DHX35: variants seen among roughly 807,000 people sequenced by gnomAD.
DHX35 encodes the protein probable ATP-dependent RNA helicase DHX35.
DHX35 carries 84 observed loss-of-function variants against 99.6 expected under a neutral mutation model. The ratio of observed to expected loss-of-function variants is 0.84; its 90% CI spans 0.71 to 1.01. The LOEUF is 1.01. DHX35 is among the 50% of genes least tolerant of loss of function. The pLI is 0.00. For missense variants in DHX35, 852 were observed against 888.5 expected (o/e 0.96, Z 0.52); for synonymous variants, 331 against 316.2 (o/e 1.05, Z -0.50).
intron 11 of DHX35, 142 bp downstream of exon 11, chr20:39,004,049 A>C (rs1158406065): frequency 1.0e-6 from 1 of 961,094 alleles, no homozygotes; most frequent in African/African-American, 1.6e-5. Context: ...GCACACAATA[A>C]ATAATACATT....
At chr20:39,026,393 G>C (rs769778074) in intron 18 of DHX35, among the ~76,000 whole-genome samples, 5 of 152,198 alleles carry the variant, frequency 3.3e-5, no homozygotes, top group Non-Finnish European at 5.9e-5. Flanking sequence ...AAGAGCAAGT[G>C]ATTAAACAAT....
chr20:39,025,404 T>C, intron 18 of DHX35, 45 bp downstream of exon 18: 1 of 1,599,336 alleles, frequency 6.3e-7, no homozygotes, highest in East Asian at 2.2e-5. Context: ...TGCTTCATTC[T>C]GTTGAGTTGT....
At chr20:38,984,149 A>T (rs1038883430) in intron 4 of DHX35, among the ~76,000 whole-genome samples, 2 of 152,090 alleles carry the variant, frequency 1.3e-5, no homozygotes, top group African/African-American at 4.8e-5. Context: ...TGATCTTGTG[A>T]TCTGCCTGCC....
At chr20:38,995,815 C>T (rs1270742205) in intron 8 of DHX35, among the ~76,000 whole-genome samples, 1 of 152,128 alleles carries the variant, frequency 6.6e-6, no homozygotes, top group Non-Finnish European at 1.5e-5. Context: ...GAAAGATGGA[C>T]AGCCGTTTTC....
intron 3 of DHX35, 24 bp from the exon 4 acceptor site, chr20:38,983,675 A>G (rs369530821): frequency 1.2e-6 from 2 of 1,610,098 alleles, no homozygotes; most frequent in African/African-American, 1.3e-5. Flanking sequence ...TCATATGTAT[A>G]CTTAGATGTG....
At chr20:38,970,073 ATCTGTCTG>A (rs370046590) in intron 2 of DHX35, among the ~76,000 whole-genome samples, 13 of 152,002 alleles carry the variant, frequency 8.6e-5, no homozygotes, top group South Asian at 8.3e-4. Context: ...TGTTCTATCT[ATCTGTCTG>A]TCTGTCTGTC....
chr20:39,019,697 AT>A (rs1048710921), intron 15 of DHX35, among the ~76,000 whole-genome samples: 4 of 151,962 alleles, frequency 2.6e-5, no homozygotes, highest in Non-Finnish European at 4.4e-5. Context: ...CCAACTTATC[AT>A]TTTTTTTGTG....
chr20:38,998,942 G>A (rs912301812), intron 8 of DHX35, among the ~76,000 whole-genome samples: 2 of 151,986 alleles, frequency 1.3e-5, no homozygotes, highest in Admixed American at 6.6e-5. Flanking sequence ...GATTACAGGC[G>A]CCTGCCACCA....
chr20:38,990,282 A>G (rs1293689050), intron 5 of DHX35, among the ~76,000 whole-genome samples: 1 of 152,224 alleles, frequency 6.6e-6, no homozygotes, highest in Non-Finnish European at 1.5e-5. Flanking sequence ...GAAAAATATG[A>G]TGGCAATGCA....
At position 39,018,877 on chromosome 20, in the gene DHX35, T is replaced by G; in HGVS notation, c.1476T>G (p.Phe492Leu). 1 of 1,614,130 alleles carries G rather than the reference T, an allele frequency of 6.2e-7. No individual in the cohort carries two copies. Among genetic ancestry groups the G allele is most frequent in the Non-Finnish European group, 8.5e-7 (1 of 1,179,988 alleles). Residue 492 changes from phenylalanine (F) to leucine (L), a missense_variant, in exon 15 of 22, where the codon TTT becomes TTG. By Grantham distance (22) the Phe-to-Leu change is conservative. Transcript: ENST00000252011. ...CAGAGTTTCCTTTGAATCCCATGTT[T>G]GCCAAAATGCTGCTTGAATCAGGTG... is the stretch of plus-strand genomic sequence containing the variant. ...RIAEFPLNPM[F>L]AKMLLESGNF...
chr20:39,016,350 C>T (rs920287820), intron 14 of DHX35, among the ~76,000 whole-genome samples: 10 of 152,168 alleles, frequency 6.6e-5, no homozygotes, highest in Non-Finnish European at 1.5e-4. Context: ...AACACTGTCA[C>T]GTTGGGGATC....
rs954143082 is a variant in DHX35 at position 39,023,826 on chromosome 20, A to G, written c.1671+59A>G. 4 of 1,409,944 alleles carry G rather than the reference A, an allele frequency of 2.8e-6. No homozygotes were observed. The African/African-American group carries it at 4.2e-5, about 15-fold the overall frequency. 87.3% of individuals were successfully genotyped at this position (1,409,944 alleles called of 1,614,324 possible). A position where few individuals can be genotyped will look rare whatever the true frequency, so the allele number is the denominator to read the frequency against. ...ACACACCACCCTCTGGAGGTGATCT[A>G]GGAGGGAGGATCCCAGAAGTTCAGT... On this transcript the variant is annotated intron_variant, in intron 17 of 21. Transcript: ENST00000252011.
intron 5 of DHX35, among the ~76,000 whole-genome samples, chr20:38,989,352 A>T (rs550630444): frequency 4.3e-4 from 62 of 142,866 alleles, no homozygotes; most frequent in Non-Finnish European, 8.7e-4. Context: ...CTGACTCGTG[A>T]TCCACCTGCC....
intron 16 of DHX35, among the ~76,000 whole-genome samples, 194 bp from the exon 17 acceptor site, chr20:39,023,496 A>G (rs1156794638): frequency 6.6e-6 from 1 of 151,022 alleles, no homozygotes; most frequent in African/African-American, 2.4e-5. Context: ...TTAGAGGCAT[A>G]CACCACCATG....
intron 3 of DHX35, among the ~76,000 whole-genome samples, chr20:38,980,070 A>G (rs544866838): frequency 1.1e-3 from 173 of 152,280 alleles, no homozygotes; most frequent in African/African-American, 3.9e-3. Flanking sequence ...CGTTAGCACT[A>G]CACCTGCTTT....
In DHX35 at chr20:39,006,337, ATG is replaced by A. The variant is rs773387081; in HGVS notation, c.1205_1206del (p.Cys402LeufsTer10). The part of the protein sequence containing the change: ...GRGGRSRSGK[C>X]YRLYTEEAFD... ...GTGGTGGTCGTAGTCGCTCGGGAAAATGTTATCGCCTTTATACAGGTTAGTGT... is the reference window on the plus strand; with the variant it reads ...GTGGTGGTCGTAGTCGCTCGGGAAAATTATCGCCTTTATACAGGTTAGTGT... On this transcript the variant is annotated frameshift_variant, in exon 12 of 22. Transcript: ENST00000252011. LOFTEE classifies it high-confidence loss of function. 2 of 1,614,118 alleles carry A rather than the reference ATG, an allele frequency of 1.2e-6. No individual in the cohort carries two copies. The highest frequency in any genetic ancestry group is 1.7e-6 in the Non-Finnish European group (2 of 1,180,016).
At chr20:39,008,125 A>G (rs1381425468) in intron 12 of DHX35, among the ~76,000 whole-genome samples, 3 of 152,242 alleles carry the variant, frequency 2.0e-5, no homozygotes, top group South Asian at 2.1e-4. Flanking sequence ...TGGATATTTC[A>G]TATAAAAAGT....
chr20:39,029,556 G>A (rs2087012305), intron 19 of DHX35: 2 of 151,802 alleles, frequency 1.3e-5, no homozygotes, highest in Non-Finnish European at 2.9e-5. Context: ...CCCATTGTAT[G>A]AGCTCACCTC....
chr20:38,969,977 A>G (rs1023972184), intron 2 of DHX35, among the ~76,000 whole-genome samples: 1 of 152,234 alleles, frequency 6.6e-6, no homozygotes, highest in Non-Finnish European at 1.5e-5. Flanking sequence ...GCTCCACAGG[A>G]TGCCCTTGGA....
Sources: gnomAD v4.1 joint callset for allele counts (sites outside exome capture counted in the v4.1 genomes callset) on GRCh38, gnomAD v4.1.1 for gene constraint, MANE v1.5 for transcripts, NCBI Gene and HGNC (gene_info 2026-07-23, HGNC 2026-07-21) for gene names.